RBM14: variants seen among roughly 807,000 people sequenced by gnomAD.
The protein encoded by RBM14 is RNA binding motif protein 14.
In RBM14, 5 loss-of-function variants were observed where a neutral mutation model predicts 52.8. The observed-to-expected ratio is 0.09, with a 90% CI of 0.05 to 0.20. The LOEUF (loss-of-function observed/expected upper bound fraction) is 0.20, where lower values mean the gene tolerates loss of function less well. Among genes scored for constraint, RBM14 ranks in the 10% least tolerant of loss-of-function variants. The pLI, the probability that RBM14 is intolerant of heterozygous loss-of-function variation, is 1.00. For missense variants in RBM14, 780 were observed against 926.6 expected, an observed-to-expected ratio of 0.84 and a Z score of 2.05; for synonymous variants, 411 against 401.8, an observed-to-expected ratio of 1.02 and a Z score of -0.28.
rs1238266964 is a variant in RBM14 at position 66,626,675 on chromosome 11, C to T, written c.*7C>T. ...CTACCAGCGCCGCATGTAGGGCCAT[C>T]CTGGGATGGGGCACCACAGGGAGGG... On this transcript the variant is annotated 3_prime_UTR_variant, in exon 3 of 3. Transcript: ENST00000310137. 6.3e-7 allele frequency: 1 copy of T among 1,597,386 alleles called. No homozygotes were observed. Among genetic ancestry groups the T allele is most frequent in the East Asian group, 2.2e-5 (1 of 44,576 alleles).
Position 66,627,059 on chromosome 11 carries a change from A to G in RBM14, c.*391A>G, listed in dbSNP as rs1269273273. The G allele has an allele frequency of 5.6e-6, 1 of 179,000 alleles. No homozygotes were observed. Among genetic ancestry groups the G allele is most frequent in the Admixed American group, 5.8e-5 (1 of 17,346 alleles). 11.1% of individuals were successfully genotyped at this position (179,000 alleles called of 1,614,324 possible). ...GGCGCCTTTTTCTTTTTAGATGGGAAGGAGGCCAGGAAAGGGTCAGCTTAA... is the reference window on the plus strand; with the variant it reads ...GGCGCCTTTTTCTTTTTAGATGGGAGGGAGGCCAGGAAAGGGTCAGCTTAA... On this transcript the variant is annotated 3_prime_UTR_variant, in exon 3 of 3. Transcript: ENST00000310137.
intron 1 of RBM14, chr11:66,617,389 G>T: frequency 8.7e-7 from 1 of 1,155,936 alleles, no homozygotes; most frequent in Non-Finnish European, 1.1e-6. Flanking sequence ...GCGGAAATTG[G>T]GAAGTGACGG....
At chr11:66,617,700 C>G (rs1858903293) in intron 1 of RBM14, 1 of 415,152 alleles carries the variant, frequency 2.4e-6, no homozygotes, top group Non-Finnish European at 3.2e-6. Flanking sequence ...GGCGTGGCAG[C>G]TCTGTGCTTT....
chr11:66,628,003 C>G lies in RBM14; in HGVS notation c.*1335C>G, dbSNP rs1320330675. On this transcript the variant is annotated 3_prime_UTR_variant, in exon 3 of 3. Transcript: ENST00000310137. ...ATTATAGTCACCGGAGACTCCTTTA[C>G]CTATCCCTATCTGTTAGGGTTTTCA... is the stretch of plus-strand genomic sequence containing the variant. 1.3e-5 allele frequency among the ~76,000 whole-genome samples: 2 copies of G among 152,146 alleles called. No homozygotes were observed. Among genetic ancestry groups the G allele is most frequent in the Non-Finnish European group, 2.9e-5 (2 of 68,042 alleles).
chr11:66,622,479 C>T (rs1859160690), intron 1 of RBM14, among the ~76,000 whole-genome samples: 1 of 152,186 alleles, frequency 6.6e-6, no homozygotes, highest in East Asian at 1.9e-4. Context: ...GGTGATCTGC[C>T]TGCCTTGGCC....
chr11:66,617,133 G>T (rs1409306153), intron 1 of RBM14, 76 bp downstream of exon 1: 1 of 1,510,828 alleles, frequency 6.6e-7, no homozygotes, highest in East Asian at 2.3e-5. Context: ...TTACCCGGGG[G>T]TCGGTCACTG....
chr11:66,629,325 C>G lies in RBM14; in HGVS notation c.*2657C>G, dbSNP rs1565074919. Among the ~76,000 whole-genome samples, 1 of 152,140 alleles carries G rather than the reference C, an allele frequency of 6.6e-6. No homozygotes were observed. Among genetic ancestry groups the G allele is most frequent in the Non-Finnish European group, 1.5e-5 (1 of 68,022 alleles). ...TTGGAGAAGTTTTAGTTGGCTTATT[C>G]CTGGAACAAGACCACCTAGAGGCTT... On this transcript the variant is annotated 3_prime_UTR_variant, in exon 3 of 3. Transcript: ENST00000310137.
intron 1 of RBM14, among the ~76,000 whole-genome samples, chr11:66,621,906 A>G (rs1285101451): frequency 6.6e-6 from 1 of 152,000 alleles, no homozygotes; most frequent in African/African-American, 2.4e-5. Context: ...GAGGAAATAC[A>G]TGGTAAGTTT....
chr11:66,618,983 C>T, intron 1 of RBM14: 2 of 171,370 alleles, frequency 1.2e-5, no homozygotes, highest in Non-Finnish European at 2.5e-5. Context: ...AATGCATTGA[C>T]TTACTCCGGG....
At chr11:66,623,064 C>G (rs1479512498) in intron 1 of RBM14, among the ~76,000 whole-genome samples, 1 of 152,166 alleles carries the variant, frequency 6.6e-6, no homozygotes, top group African/African-American at 2.4e-5. Context: ...GACCGGCATC[C>G]TGTCTTCTCC....
intron 1 of RBM14, chr11:66,619,037 C>A: frequency 6.4e-6 from 1 of 157,202 alleles, no homozygotes; most frequent in Non-Finnish European, 1.4e-5. Flanking sequence ...TGTAACAGAG[C>A]TCCTGACATA....
chr11:66,624,562 C>A lies in RBM14; in HGVS notation c.686C>A (p.Pro229His). 1 of 1,612,688 alleles carries A rather than the reference C, an allele frequency of 6.2e-7. No individual in the cohort carries two copies. The highest frequency in any genetic ancestry group is 8.5e-7 in the Non-Finnish European group (1 of 1,180,014). Residue 229 changes from proline to histidine, a missense_variant, in exon 2 of 3, where the codon CCT becomes CAT. By Grantham distance (77) the Pro-to-His change is moderately conservative. Coordinates refer to ENST00000310137, the MANE Select transcript of RBM14 (RefSeq NM_006328.4). The surrounding 1 kb of genome is among the most constrained non-coding windows in gnomAD (Gnocchi z 4.7). ...RSPPRASYVA[P>H]LTAQPATYRA... Reference sequence around the variant, plus strand: ...CCTCCCCGAGCCTCTTATGTGGCTCCTCTGACGGCCCAGCCAGCTACCTAC... The same window carrying A: ...CCTCCCCGAGCCTCTTATGTGGCTCATCTGACGGCCCAGCCAGCTACCTAC...
rs1937894857 is a variant in RBM14, at chr11:66,628,047, T to G, written c.*1379T>G. On this transcript the variant is annotated 3_prime_UTR_variant, in exon 3 of 3. Coordinates refer to ENST00000310137, the MANE Select transcript of RBM14 (RefSeq NM_006328.4). The stretch of plus-strand genomic sequence containing the variant: ...GTTTTCAGATGTCCTCTCGCTGGGT[T>G]TATATTTGAAGGTATAGAATCTGGG... Among the ~76,000 whole-genome samples the G allele has an allele frequency of 6.6e-6, 1 of 152,138 alleles. No individual in the cohort carries two copies. Among genetic ancestry groups the G allele is most frequent in the Non-Finnish European group, 1.5e-5 (1 of 68,026 alleles).
intron 1 of RBM14, chr11:66,620,883 A>C (rs754605994): frequency 2.0e-5 from 3 of 151,914 alleles, no homozygotes; most frequent in Non-Finnish European, 4.4e-5. Flanking sequence ...AGTGCCTATG[A>C]GCTCCAGCAA....
At chr11:66,617,363 C>T in intron 1 of RBM14, 1 of 1,214,378 alleles carries the variant, frequency 8.2e-7, no homozygotes, top group Non-Finnish European at 1.0e-6. Context: ...TCCTGGTCTC[C>T]TGGGCCTGGC....
In RBM14 at chr11:66,629,704, A is replaced by G. The variant is rs563409642; in HGVS notation, c.*3036A>G. Among the ~76,000 whole-genome samples the G allele has an allele frequency of 1.8e-4, 28 of 152,316 alleles. No individual in the cohort carries two copies. The highest frequency in any genetic ancestry group is 3.2e-4 in the Non-Finnish European group (22 of 68,020). ...GTACCTTTGAAAGGTCATAAAGGGT[A>G]AAAGTCTATAGTTTTCCAGAAAATA... On this transcript the variant is annotated 3_prime_UTR_variant, in exon 3 of 3. Transcript: ENST00000310137.
In RBM14 at chr11:66,628,211, G is replaced by A. The variant is rs1937903713; in HGVS notation, c.*1543G>A. On this transcript the variant is annotated 3_prime_UTR_variant, in exon 3 of 3. Transcript: ENST00000310137. ...GACATTTCCAACCAGGGACAAAATG[G>A]AGGCTTGGGCTTAGTGATGGGTAAA... 6.6e-6 allele frequency among the ~76,000 whole-genome samples: 1 copy of A among 152,144 alleles called. No homozygotes were observed. Among genetic ancestry groups the A allele is most frequent in the Admixed American group, 6.6e-5 (1 of 15,266 alleles).
rs961647275 is a variant in RBM14, at chr11:66,626,821, T to G, written c.*153T>G. 3 of 762,234 alleles carry G rather than the reference T, an allele frequency of 3.9e-6. No individual in the cohort carries two copies. The highest frequency in any genetic ancestry group is 6.2e-6 in the Non-Finnish European group (3 of 485,852). The allele number at this position is 762,234 out of a possible 1,614,324, so 47.2% of individuals were successfully genotyped here. A position where few individuals can be genotyped will look rare whatever the true frequency, so the allele number is the denominator to read the frequency against. On this transcript the variant is annotated 3_prime_UTR_variant, in exon 3 of 3. Coordinates refer to ENST00000310137, the MANE Select transcript of RBM14 (RefSeq NM_006328.4). ...GGGCCTTCCCCAGGAGATGATCCTG[T>G]TAAGTGTTCGGCAGTAACCTACTTT...
At chr11:66,619,834 G>A (rs913947029) in intron 1 of RBM14, among the ~76,000 whole-genome samples, 1 of 152,210 alleles carries the variant, frequency 6.6e-6, no homozygotes, top group African/African-American at 2.4e-5. Context: ...CCAAAGTGCT[G>A]GGATTACAGG....
Sources: gnomAD v4.1 joint callset for allele counts (sites outside exome capture counted in the v4.1 genomes callset) on GRCh38, gnomAD v4.1.1 for gene constraint, Gnocchi (gnomAD v3.1) non-coding constraint, MANE v1.5 for transcripts, NCBI Gene and HGNC (gene_info 2026-07-23, HGNC 2026-07-21) for gene names.